LRFN2: variants seen among roughly 807,000 people sequenced by gnomAD.
LRFN2 encodes leucine-rich repeat and fibronectin type-III domain-containing protein 2.
Under a neutral mutation model 37.3 loss-of-function variants are expected in LRFN2, and 18 were observed. The ratio of observed to expected loss-of-function variants is 0.48; its 90% CI spans 0.33 to 0.72. The LOEUF (loss-of-function observed/expected upper bound fraction) is 0.72. LRFN2 is among the 30% of genes least tolerant of loss of function. The pLI is 0.02. For missense variants in LRFN2, 1,006 were observed against 1,060.7 expected (o/e 0.95, Z 0.72); for synonymous variants, 556 against 466.6 (o/e 1.19, Z -2.47).
intron 1 of LRFN2, among the ~76,000 whole-genome samples, chr6:40,506,637 C>G (rs893536039): frequency 6.6e-6 from 1 of 152,136 alleles, no homozygotes; most frequent in African/African-American, 2.4e-5. Context: ...CCCTGCAAAT[C>G]AGACTGTGTG....
At chr6:40,569,020 T>A (rs556469202) in intron 1 of LRFN2, among the ~76,000 whole-genome samples, 1 of 152,190 alleles carries the variant, frequency 6.6e-6, no homozygotes, top group East Asian at 1.9e-4. Context: ...CAAGCGAGGA[T>A]AAATGGTGTG....
chr6:40,464,784 T>A (rs1228256046), intron 1 of LRFN2, among the ~76,000 whole-genome samples: 1 of 151,190 alleles, frequency 6.6e-6, no homozygotes, highest in Non-Finnish European at 1.5e-5. Context: ...CAACCCCTAC[T>A]CCAAACCAAT....
chr6:40,537,745 G>C (rs1195844127), intron 1 of LRFN2, among the ~76,000 whole-genome samples: 2 of 152,076 alleles, frequency 1.3e-5, no homozygotes, highest in Non-Finnish European at 2.9e-5. Flanking sequence ...CACAGCCTCG[G>C]TGTCCAGTTA....
intron 1 of LRFN2, among the ~76,000 whole-genome samples, chr6:40,536,347 T>C (rs1561899496): frequency 6.6e-6 from 1 of 152,180 alleles, no homozygotes; most frequent in Non-Finnish European, 1.5e-5. Context: ...CCCTACTTTC[T>C]AGGTACTTCT....
chr6:40,482,473 C>G (rs556473527), intron 1 of LRFN2, among the ~76,000 whole-genome samples: 186 of 152,326 alleles, frequency 1.2e-3, no homozygotes, highest in Middle Eastern at 3.4e-3. Context: ...GACACACCCC[C>G]ACCTGCCTGC....
At chr6:40,420,813 CAAGG>C in intron 2 of LRFN2, among the ~76,000 whole-genome samples, 1 of 152,126 alleles carries the variant, frequency 6.6e-6, no homozygotes, top group Non-Finnish European at 1.5e-5. Flanking sequence ...GACCCTGAGA[CAAGG>C]ATTTGAATAC....
At chr6:40,586,255 G>A (rs1311123724) in intron 1 of LRFN2, among the ~76,000 whole-genome samples, 2 of 152,142 alleles carry the variant, frequency 1.3e-5, no homozygotes, top group Non-Finnish European at 2.9e-5. Flanking sequence ...CCAGGGCAGG[G>A]CTGGGTGGGA....
At chr6:40,499,577 G>A (rs149210300) in intron 1 of LRFN2, among the ~76,000 whole-genome samples, 4 of 152,210 alleles carry the variant, frequency 2.6e-5, no homozygotes, top group African/African-American at 4.8e-5. Flanking sequence ...TTAGGGCTTC[G>A]CAGGGCTCCT....
At chr6:40,500,403 G>A (rs1322768738) in intron 1 of LRFN2, among the ~76,000 whole-genome samples, 1 of 152,246 alleles carries the variant, frequency 6.6e-6, no homozygotes, top group Non-Finnish European at 1.5e-5. Context: ...TATCACTTCA[G>A]GCCGAGGGGC....
intron 1 of LRFN2, among the ~76,000 whole-genome samples, chr6:40,475,598 G>T (rs1049753455): frequency 5.9e-5 from 9 of 152,170 alleles, no homozygotes; most frequent in African/African-American, 2.2e-4. Context: ...TACATGGAAT[G>T]GGGATGATGA....
chr6:40,556,716 GACACACACACACACAC>G (rs35308131), intron 1 of LRFN2, among the ~76,000 whole-genome samples: 1 of 120,862 alleles, frequency 8.3e-6, no homozygotes, highest in Non-Finnish European at 1.8e-5. Flanking sequence ...TACCTACATA[GACACACACACACACAC>G]ACACACACAC....
chr6:40,443,594 AG>A (rs1763895607), intron 1 of LRFN2, among the ~76,000 whole-genome samples: 1 of 152,142 alleles, frequency 6.6e-6, no homozygotes, highest in South Asian at 2.1e-4. Flanking sequence ...AGGCAAATGG[AG>A]CAGAGTCTCC....
chr6:40,393,014 G>C, intron 2 of LRFN2, 102 bp from the exon 3 acceptor site: 1 of 979,038 alleles, frequency 1.0e-6, no homozygotes, highest in Non-Finnish European at 1.5e-6. Flanking sequence ...AGATGGGGAG[G>C]GGGAGGGGAG....
At chr6:40,563,439 G>A (rs115159571) in intron 1 of LRFN2, among the ~76,000 whole-genome samples, 4,041 of 152,162 alleles carry the variant, frequency 0.027, 88 homozygotes, top group Admixed American at 0.039. Context: ...GCTGCCAGGG[G>A]CTCCCTGTCA....
intron 1 of LRFN2, among the ~76,000 whole-genome samples, chr6:40,463,670 AT>A (rs66745321): frequency 0.24 from 18,266 of 76,378 alleles, 723 homozygotes; most frequent in Middle Eastern, 0.38. Flanking sequence ...CTTTCTTTCT[AT>A]TTTTTTTTTT....
At chr6:40,568,104 C>T (rs186351817) in intron 1 of LRFN2, among the ~76,000 whole-genome samples, 1 of 152,236 alleles carries the variant, frequency 6.6e-6, no homozygotes, top group East Asian at 1.9e-4. Flanking sequence ...CTGGGTTTTA[C>T]CTGTGTGAAT....
In LRFN2 at chr6:40,392,981, C is replaced by A. The variant is rs1762546157; in HGVS notation, c.1401-69G>T. The A allele has an allele frequency of 1.5e-6, 2 of 1,360,638 alleles. No homozygotes were observed. Among genetic ancestry groups the A allele is most frequent in the Non-Finnish European group, 2.0e-6 (2 of 1,022,488 alleles). The allele number at this position is 1,360,638 out of a possible 1,614,324, so 84.3% of individuals were successfully genotyped here. A position where few individuals can be genotyped will look rare whatever the true frequency, so the allele number is the denominator to read the frequency against. On this transcript the variant is annotated intron_variant, in intron 2 of 2. Transcript: ENST00000338305. This position sits in a 1 kb window ranked among gnomAD's most constrained non-coding sequence, Gnocchi z 4.7. Reference sequence around the variant, plus strand: ...GAAGGACAGGGTGATGGGGAGTGGACAGAGGTAGAAACAGAGTGACAGAGA... The same window carrying A: ...GAAGGACAGGGTGATGGGGAGTGGAAAGAGGTAGAAACAGAGTGACAGAGA...
chr6:40,551,253 G>A (rs1371398669), intron 1 of LRFN2, among the ~76,000 whole-genome samples: 1 of 152,198 alleles, frequency 6.6e-6, no homozygotes, highest in Non-Finnish European at 1.5e-5. Flanking sequence ...CTGGGCAATG[G>A]CAGATACTTC....
At chr6:40,547,502 A>C (rs1561903263) in intron 1 of LRFN2, among the ~76,000 whole-genome samples, 1 of 152,124 alleles carries the variant, frequency 6.6e-6, no homozygotes. Flanking sequence ...TATGCGCCCT[A>C]GTTCCCCTAT....
Sources: gnomAD v4.1 joint callset for allele counts (sites outside exome capture counted in the v4.1 genomes callset) on GRCh38, gnomAD v4.1.1 for gene constraint, Gnocchi (gnomAD v3.1) non-coding constraint, MANE v1.5 for transcripts, NCBI Gene and HGNC (gene_info 2026-07-23, HGNC 2026-07-21) for gene names.